Variants in RBFOX1 observed in about 807,000 individuals in gnomAD.
RBFOX1 encodes RNA binding fox-1 homolog 1.
RBFOX1 carries 8 observed loss-of-function variants against 57.7 expected under a neutral mutation model. That is an observed-to-expected ratio of 0.14 (90% confidence interval 0.08 to 0.25). The LOEUF (loss-of-function observed/expected upper bound fraction) is 0.25, where lower values mean the gene tolerates loss of function less well. Among genes scored for constraint, RBFOX1 ranks in the 10% least tolerant of loss-of-function variants. The probability of loss-of-function intolerance (pLI) is 1.00; values close to 1 mark genes in which losing one functional copy is unlikely to be tolerated. For synonymous variants in RBFOX1, 326 were observed against 222.4 expected, an observed-to-expected ratio of 1.47 and a Z score of -4.15; for missense variants, 611 against 548.5, an observed-to-expected ratio of 1.11 and a Z score of -1.14.
At chr16:5,871,267 C>A (rs1263895081) in intron 4 of RBFOX1, among the ~76,000 whole-genome samples, 2 of 152,250 alleles carry the variant, frequency 1.3e-5, no homozygotes, top group Non-Finnish European at 2.9e-5. Context: ...GAAATTCCCT[C>A]TGCTAGCCGC....
rs147879833 is a variant in RBFOX1, at chr16:5,795,236, C to T, written c.319-72067C>T. On this transcript the variant is annotated intron_variant, in intron 3 of 19. Coordinates refer to the RBFOX1 transcript ENST00000641259. ...TATCCCCCCTCTCCCTATTACTATG[C>T]CCAGTGACACTTGGTTCCTGTTAAG... 3.1e-4 allele frequency among the ~76,000 whole-genome samples: 47 copies of T among 152,232 alleles called. 1 individual carries two copies. Among genetic ancestry groups the T allele is most frequent in the African/African-American group, 1.1e-3 (46 of 41,548 alleles).
At chr16:6,682,709 C>T (rs2058839045) in intron 3 of RBFOX1, among the ~76,000 whole-genome samples, 2 of 151,830 alleles carry the variant, frequency 1.3e-5, no homozygotes, top group African/African-American at 2.4e-5. Flanking sequence ...AAAATTGCCC[C>T]CTGTTTGACG....
chr16:6,297,263 A>G (rs966492625), intron 1 of RBFOX1, among the ~76,000 whole-genome samples: 10 of 152,104 alleles, frequency 6.6e-5, no homozygotes, highest in Non-Finnish European at 1.2e-4. Flanking sequence ...CTGACTTAGA[A>G]TGCCTTAACT....
intron 4 of RBFOX1, among the ~76,000 whole-genome samples, chr16:7,303,098 G>C (rs2096072221): frequency 6.6e-6 from 1 of 152,188 alleles, no homozygotes; most frequent in Non-Finnish European, 1.5e-5. Context: ...CAGTCGCCCC[G>C]AGCTGGCACG....
intron 2 of RBFOX1, among the ~76,000 whole-genome samples, chr16:6,461,998 G>A (rs2094931524): frequency 6.6e-6 from 1 of 152,042 alleles, no homozygotes; most frequent in African/African-American, 2.4e-5. Context: ...CTTTCTAGAA[G>A]GAAAGAGCAA....
At chr16:7,616,828 G>A (rs2058525925) in intron 10 of RBFOX1, among the ~76,000 whole-genome samples, 1 of 152,010 alleles carries the variant, frequency 6.6e-6, no homozygotes, top group Non-Finnish European at 1.5e-5. Flanking sequence ...CACCATGGCT[G>A]GCGCAAAAAT....
At chr16:6,820,913 T>C (rs983857441) in intron 3 of RBFOX1, among the ~76,000 whole-genome samples, 2 of 152,212 alleles carry the variant, frequency 1.3e-5, no homozygotes, top group Non-Finnish European at 2.9e-5. Flanking sequence ...GTTTGGACCA[T>C]ACATTTCATG....
chr16:5,478,579 G>A (rs1018389563), intron 2 of RBFOX1, among the ~76,000 whole-genome samples: 18 of 152,218 alleles, frequency 1.2e-4, no homozygotes, highest in African/African-American at 3.4e-4. Context: ...GATTAGAAGC[G>A]CTAACAAATT....
chr16:6,640,879 C>T (rs2098482207), intron 2 of RBFOX1, among the ~76,000 whole-genome samples: 1 of 152,088 alleles, frequency 6.6e-6, no homozygotes, highest in Non-Finnish European at 1.5e-5. Flanking sequence ...CCAAAACAAG[C>T]AACATGAACA....
intron 4 of RBFOX1, among the ~76,000 whole-genome samples, chr16:7,316,291 A>G (rs1412877756): frequency 1.3e-5 from 2 of 152,222 alleles, no homozygotes; most frequent in African/African-American, 4.8e-5. Context: ...GTTACATGGT[A>G]CTATTGGAGA....
chr16:6,089,480 G>A (rs1443873493), intron 1 of RBFOX1, among the ~76,000 whole-genome samples: 2 of 152,226 alleles, frequency 1.3e-5, no homozygotes, highest in African/African-American at 2.4e-5. Flanking sequence ...GGTTGTAGAA[G>A]CTGGTAGGGA....
rs36117809 is a variant in RBFOX1, at chr16:6,981,042, C to CAAAAAAAAAAAAAA, written c.-15-71011_-15-70998dup. Among the ~76,000 whole-genome samples the CAAAAAAAAAAAAAA allele has an allele frequency of 5.6e-4, 43 of 77,364 alleles. 1 individual carries two copies. The highest frequency in any genetic ancestry group is 3.0e-3 in the African/African-American group (38 of 12,618). The allele number at this position is 77,364 out of a possible 152,430, so 50.8% of individuals were successfully genotyped here. A position where few individuals can be genotyped will look rare whatever the true frequency, so the allele number is the denominator to read the frequency against. On this transcript the variant is annotated intron_variant, in intron 3 of 15. Coordinates refer to ENST00000550418, the MANE Select transcript of RBFOX1 (RefSeq NM_018723.4). ...TGGGTGGCAGAGCAAGTCTCAGTCTCAAAAAAAAAAAAAAAAACACTAAAA... is the reference window on the plus strand; with the variant it reads ...TGGGTGGCAGAGCAAGTCTCAGTCTCAAAAAAAAAAAAAAAAAAAAAAAAAAAAAAACACTAAAA...
At chr16:7,683,200 G>C (rs1187713171) in intron 14 of RBFOX1, among the ~76,000 whole-genome samples, 1 of 148,432 alleles carries the variant, frequency 6.7e-6, no homozygotes, top group African/African-American at 2.5e-5. Context: ...TTTGATAGTA[G>C]AGTCACCGTA....
intron 5 of RBFOX1, among the ~76,000 whole-genome samples, chr16:7,525,434 T>A (rs948772206): frequency 1.2e-4 from 18 of 152,158 alleles, no homozygotes; most frequent in African/African-American, 4.8e-5. Context: ...TCTCCATCTC[T>A]GTTTGCCTCT....
At chr16:6,838,822 C>A (rs575443241) in intron 3 of RBFOX1, among the ~76,000 whole-genome samples, 2 of 152,250 alleles carry the variant, frequency 1.3e-5, no homozygotes, top group East Asian at 3.9e-4. Context: ...CCATTCTCAG[C>A]TTTCTCAGGT....
chr16:5,966,557 A>G (rs529535111), intron 4 of RBFOX1, among the ~76,000 whole-genome samples: 1 of 152,286 alleles, frequency 6.6e-6, no homozygotes, highest in African/African-American at 2.4e-5. Flanking sequence ...TCCCAGGTTC[A>G]AGCAATTCTG....
At chr16:6,750,835 A>C (rs534447889) in intron 3 of RBFOX1, among the ~76,000 whole-genome samples, 5 of 152,248 alleles carry the variant, frequency 3.3e-5, no homozygotes, top group African/African-American at 1.2e-4. Context: ...CCAAAGGGGG[A>C]TGTGTGTGAT....
intron 3 of RBFOX1, among the ~76,000 whole-genome samples, chr16:6,941,446 C>A (rs2078498753): frequency 6.6e-6 from 1 of 151,690 alleles, no homozygotes; most frequent in Non-Finnish European, 1.5e-5. Flanking sequence ...AAAATAAACA[C>A]CAAAGTCCTC....
At chr16:6,575,580 A>G (rs1484556857) in intron 2 of RBFOX1, among the ~76,000 whole-genome samples, 1 of 152,096 alleles carries the variant, frequency 6.6e-6, no homozygotes, top group Non-Finnish European at 1.5e-5. Context: ...ATAAAGGGCT[A>G]GGCACGGTGG....
Sources: allele counts gnomAD v4.1 joint callset (sites outside exome capture counted in the v4.1 genomes callset), GRCh38; gene constraint gnomAD v4.1.1; transcripts MANE v1.5; gene names NCBI Gene and HGNC (gene_info 2026-07-23, HGNC 2026-07-21).